Variants in ZNF215 observed in about 807,000 individuals in gnomAD.
ZNF215 encodes the protein zinc finger protein 215.
Under a neutral mutation model 27.2 loss-of-function variants are expected in ZNF215, and 24 were observed. The observed-to-expected ratio is 0.88, with a 90% CI of 0.64 to 1.24. The LOEUF (loss-of-function observed/expected upper bound fraction) is 1.24, where lower values mean the gene tolerates loss of function less well. Among genes scored for constraint, ZNF215 ranks in the 50% most tolerant of loss-of-function variants. ZNF215 has a pLI of 0.00. For missense variants in ZNF215, 675 were observed against 605.7 expected (o/e 1.11, Z -1.20); for synonymous variants, 210 against 204.0 (o/e 1.03, Z -0.25).
chr11:6,971,601 C>A (rs566360415), intron 5 of ZNF215, among the ~76,000 whole-genome samples: 2 of 152,162 alleles, frequency 1.3e-5, no homozygotes, highest in South Asian at 2.1e-4. Flanking sequence ...TCTTTGAGTT[C>A]TTTGAGTACA....
intron 5 of ZNF215, among the ~76,000 whole-genome samples, chr11:6,966,947 C>T (rs1472861847): frequency 6.6e-6 from 1 of 151,970 alleles, no homozygotes; most frequent in Non-Finnish European, 1.5e-5. Context: ...TCTGCTAATG[C>T]TATCCCTCCC....
intron 5 of ZNF215, among the ~76,000 whole-genome samples, chr11:6,979,622 G>C (rs1236947781): frequency 2.0e-5 from 3 of 151,950 alleles, no homozygotes; most frequent in African/African-American, 7.2e-5. Context: ...GAAGAAGGAG[G>C]TTAAGTAGCA....
intron 6 of ZNF215, among the ~76,000 whole-genome samples, chr11:6,994,017 A>G (rs1851149307): frequency 1.3e-5 from 2 of 152,096 alleles, no homozygotes; most frequent in Admixed American, 1.3e-4. Context: ...GCTGTTTAAA[A>G]TGGTCCCAAG....
chr11:6,978,982 C>G (rs1372067130), intron 5 of ZNF215, among the ~76,000 whole-genome samples: 1 of 152,004 alleles, frequency 6.6e-6, no homozygotes, highest in Non-Finnish European at 1.5e-5. Context: ...TGCTGCCTAA[C>G]AGCAGCACTT....
chr11:6,951,632 G>T (rs6578811), intron 6 of ZNF215, among the ~76,000 whole-genome samples: 150,228 of 152,266 alleles, frequency 0.99, 74,133 homozygotes, highest in Middle Eastern at 1. Flanking sequence ...GTTTTCTTCT[G>T]TATTAGTCTT....
chr11:6,994,021 T>A (rs897505491), intron 6 of ZNF215, among the ~76,000 whole-genome samples: 2 of 152,104 alleles, frequency 1.3e-5, no homozygotes, highest in African/African-American at 4.8e-5. Context: ...TTTAAAATGG[T>A]CCCAAGTATA....
At chr11:6,930,715 C>A (rs1849224727) in intron 2 of ZNF215, among the ~76,000 whole-genome samples, 1 of 152,172 alleles carries the variant, frequency 6.6e-6, no homozygotes, top group African/African-American at 2.4e-5. Flanking sequence ...TACTGTGTGT[C>A]AAGAAATGAG....
intron 5 of ZNF215, among the ~76,000 whole-genome samples, chr11:6,972,399 C>T (rs79658235): frequency 2.6e-5 from 2 of 77,820 alleles, no homozygotes; most frequent in East Asian, 4.5e-4. Context: ...CTAAGTTTAT[C>T]CTAGGAGACT....
At chr11:6,935,617 T>G (rs1218577585) in intron 3 of ZNF215, among the ~76,000 whole-genome samples, 1 of 152,108 alleles carries the variant, frequency 6.6e-6, no homozygotes, top group Non-Finnish European at 1.5e-5. Flanking sequence ...GAATAATAAT[T>G]GGAGATTTCA....
In ZNF215 at chr11:6,956,201, A is replaced by T; in HGVS notation, c.1224A>T (p.Lys408Asn). 1 of 1,613,152 alleles carries T rather than the reference A, an allele frequency of 6.2e-7. No individual in the cohort carries two copies. The highest frequency in any genetic ancestry group is 8.5e-7 in the Non-Finnish European group (1 of 1,179,754). The change falls in exon 7 of 7, where the codon AAA becomes AAT. Residue 408 changes from lysine to asparagine, a missense_variant. Physicochemically the swap from Lys to Asn is moderately conservative, Grantham distance 94 (BLOSUM62 0). Coordinates refer to ENST00000278319, the MANE Select transcript of ZNF215 (RefSeq NM_013250.4). ...TTCACACAGGAGAGAAACCCTATAAATGCAGTGAATGTGGGAGATTCTTCA... is the reference window on the plus strand; with the variant it reads ...TTCACACAGGAGAGAAACCCTATAATTGCAGTGAATGTGGGAGATTCTTCA... ...QIIHTGEKPYKCSECGRFFNR... is the reference protein window; with the variant it reads ...QIIHTGEKPYNCSECGRFFNR...
intron 3 of ZNF215, among the ~76,000 whole-genome samples, chr11:6,933,384 C>A (rs536048071): frequency 1.4e-4 from 21 of 152,162 alleles, no homozygotes; most frequent in African/African-American, 5.1e-4. Context: ...AATGAATAAA[C>A]CAATATATAG....
chr11:6,977,665 C>T (rs749376138), intron 5 of ZNF215, among the ~76,000 whole-genome samples: 4 of 151,868 alleles, frequency 2.6e-5, no homozygotes, highest in African/African-American at 4.8e-5. Flanking sequence ...ATGGAGGCCT[C>T]AGAAGAAAAC....
intron 5 of ZNF215, among the ~76,000 whole-genome samples, chr11:6,976,118 C>G (rs974254758): frequency 1.3e-4 from 20 of 151,946 alleles, no homozygotes; most frequent in Admixed American, 1.2e-3. Flanking sequence ...TTTTCATGTG[C>G]CTGTTTGCCA....
intron 6 of ZNF215, among the ~76,000 whole-genome samples, chr11:6,953,728 C>G (rs1207847100): frequency 6.6e-6 from 1 of 152,246 alleles, no homozygotes; most frequent in Non-Finnish European, 1.5e-5. Flanking sequence ...GCCTTCTTCT[C>G]TCAACTCGTC....
intron 5 of ZNF215, among the ~76,000 whole-genome samples, chr11:6,972,144 T>A (rs1403780501): frequency 6.6e-6 from 1 of 152,148 alleles, no homozygotes; most frequent in Non-Finnish European, 1.5e-5. Context: ...GATAATTATA[T>A]TTGTAAATTT....
intron 5 of ZNF215, among the ~76,000 whole-genome samples, chr11:6,976,612 C>T (rs1243458667): frequency 2.6e-5 from 4 of 151,954 alleles, no homozygotes; most frequent in African/African-American, 7.2e-5. Context: ...TTTAATAATT[C>T]CATTTAAGAA....
chr11:6,988,201 T>TC, downstream of ZNF215: 1 of 985,396 alleles, frequency 1.0e-6, no homozygotes, highest in Non-Finnish European at 1.2e-6. Context: ...TATACCTTCT[T>TC]CCTCACATCG....
At chr11:6,950,545 G>A (rs548895588) in intron 6 of ZNF215, among the ~76,000 whole-genome samples, 2 of 151,622 alleles carry the variant, frequency 1.3e-5, no homozygotes, top group East Asian at 3.9e-4. Flanking sequence ...TCTGTTATTG[G>A]TGTATAAGAA....
chr11:6,979,765 T>C (rs1850909621), intron 5 of ZNF215, among the ~76,000 whole-genome samples: 1 of 152,036 alleles, frequency 6.6e-6, no homozygotes, highest in Non-Finnish European at 1.5e-5. Flanking sequence ...ACAGACTAAG[T>C]CAAAATGACG....
Sources: gnomAD v4.1 joint callset for allele counts (sites outside exome capture counted in the v4.1 genomes callset) on GRCh38, gnomAD v4.1.1 for gene constraint, MANE v1.5 for transcripts, NCBI Gene and HGNC (gene_info 2026-07-23, HGNC 2026-07-21) for gene names.